The following ADAM17 variants were observed in gnomAD, a reference collection of about 807,000 sequenced individuals.
The protein encoded by ADAM17 is ADAM metallopeptidase domain 17.
Under a neutral mutation model 96.7 loss-of-function variants are expected in ADAM17, and 39 were observed. The observed-to-expected ratio is 0.40, with a 90% confidence interval of 0.31 to 0.53. The LOEUF (loss-of-function observed/expected upper bound fraction) is 0.53, where lower values mean the gene tolerates loss of function less well. Ranked by LOEUF, ADAM17 falls within the 20% of genes least tolerant of loss-of-function variation. The pLI, the probability that ADAM17 is intolerant of heterozygous loss-of-function variation, is 0.44. For synonymous variants in ADAM17, 344 were observed against 359.2 expected (o/e 0.96, Z 0.48); for missense variants, 777 against 1,013.2 (o/e 0.77, Z 3.17).
intron 10 of ADAM17, among the ~76,000 whole-genome samples, chr2:9,510,825 T>C (rs1041403043): frequency 1.3e-5 from 2 of 152,058 alleles, no homozygotes; most frequent in African/African-American, 4.8e-5. Flanking sequence ...GAGTAAGACT[T>C]TGTCTCAAAA....
chr2:9,494,872 C>A (rs1662449011), intron 14 of ADAM17, 105 bp from the exon 15 acceptor site: 10 of 1,416,142 alleles, frequency 7.1e-6, no homozygotes, highest in Non-Finnish European at 8.6e-6. Flanking sequence ...TAAGAAATCA[C>A]ATTTATTTTT....
chr2:9,495,217 C>G (rs984817907), intron 14 of ADAM17, among the ~76,000 whole-genome samples: 45 of 152,326 alleles, frequency 3.0e-4, no homozygotes, highest in African/African-American at 1.0e-3. Context: ...GGGTGGGGAG[C>G]TCAGTGACCC....
chr2:9,540,648 A>C (rs1665171126), intron 2 of ADAM17, among the ~76,000 whole-genome samples: 1 of 152,220 alleles, frequency 6.6e-6, no homozygotes, highest in Admixed American at 6.5e-5. Flanking sequence ...AATTTGCCTA[A>C]AATAACCACA....
At chr2:9,531,475 G>A (rs911026195) in intron 4 of ADAM17, among the ~76,000 whole-genome samples, 4 of 151,342 alleles carry the variant, frequency 2.6e-5, no homozygotes, top group Admixed American at 1.3e-4. Flanking sequence ...GCCGACGCGG[G>A]TGGATCACCT....
chr2:9,490,565 C>A (rs757617504), intron 18 of ADAM17, 47 bp from the exon 19 acceptor site: 2 of 1,533,084 alleles, frequency 1.3e-6, no homozygotes, highest in South Asian at 2.5e-5. Context: ...AAAGATGAAT[C>A]GGAGGTCCTC....
At chr2:9,515,427 T>C (rs1391505582) in intron 10 of ADAM17, among the ~76,000 whole-genome samples, 1 of 152,130 alleles carries the variant, frequency 6.6e-6, no homozygotes, top group Admixed American at 6.6e-5. Flanking sequence ...TTATCAATTA[T>C]GAATTAAGCT....
chr2:9,497,245 T>C lies in ADAM17; in HGVS notation c.1652A>G (p.Asn551Ser), dbSNP rs1255970694. 6.2e-7 allele frequency: 1 copy of C among 1,614,096 alleles called. No homozygotes were observed. Among genetic ancestry groups the C allele is most frequent in the Non-Finnish European group, 8.5e-7 (1 of 1,179,958 alleles). The change falls in exon 14 of 19, where the codon AAT becomes AGT. Residue 551 changes from asparagine (N) to serine (S), a missense_variant. Asn to Ser is a conservative substitution (Grantham distance 46). Coordinates refer to ENST00000310823, the MANE Select transcript of ADAM17 (RefSeq NM_003183.6). ...TCCTGGAGGCGGGCACTCACTGCTATTACCTGGAAGCAAACACCAGTCATA... is the reference window on the plus strand; with the variant it reads ...TCCTGGAGGCGGGCACTCACTGCTACTACCTGGAAGCAAACACCAGTCATA... The part of the protein sequence containing the change: ...TCKGVSYCTG[N>S]SSECPPPGNA...
intron 4 of ADAM17, among the ~76,000 whole-genome samples, chr2:9,532,503 G>A (rs1398158401): frequency 6.6e-6 from 1 of 152,060 alleles, no homozygotes; most frequent in African/African-American, 2.4e-5. Context: ...ATAGGGTCTC[G>A]CTCTGTCACC....
intron 14 of ADAM17, among the ~76,000 whole-genome samples, chr2:9,496,159 C>T (rs759684670): frequency 6.6e-6 from 1 of 151,918 alleles, no homozygotes; most frequent in Non-Finnish European, 1.5e-5. Flanking sequence ...AATGGAGTCT[C>T]GCTCTGTTGC....
At chr2:9,493,631 G>A (rs903180818) in intron 16 of ADAM17, 116 bp downstream of exon 16, 1 of 825,430 alleles carries the variant, frequency 1.2e-6, no homozygotes, top group African/African-American at 1.7e-5. Flanking sequence ...CTAAAGCTGT[G>A]AATAGTTCCA....
rs61406877 is a variant in ADAM17, at chr2:9,532,752, T to C, written c.450+3082A>G. Among the ~76,000 whole-genome samples, 936 of 150,320 alleles carry C rather than the reference T, an allele frequency of 6.2e-3. 10 individuals carry two copies. The highest frequency in any genetic ancestry group is 0.02 in the African/African-American group (826 of 40,658). ...GTCCACCCGCCTCAGCCTCCCAAAG[T>C]GCTGATTACAAGTGTGAGCCACTGT... is the stretch of plus-strand genomic sequence containing the variant. On this transcript the variant is annotated intron_variant, in intron 4 of 18. Transcript: ENST00000310823.
chr2:9,491,163 C>A lies in ADAM17; in HGVS notation c.2083-12G>T. On this transcript the variant is annotated splice_polypyrimidine_tract_variant and intron_variant, in intron 17 of 18. Transcript: ENST00000310823. ...TCCAATTTCTTATCCTAGAAAGAAACAGCAAGAAGGTCATTCCCTACAAAT... is the reference window on the plus strand; with the variant it reads ...TCCAATTTCTTATCCTAGAAAGAAAAAGCAAGAAGGTCATTCCCTACAAAT... 1 of 1,610,934 alleles carries A rather than the reference C, an allele frequency of 6.2e-7. No homozygotes were observed. Among genetic ancestry groups the A allele is most frequent in the Non-Finnish European group, 8.5e-7 (1 of 1,177,448 alleles).
At chr2:9,531,404 A>C (rs1664732786) in intron 4 of ADAM17, among the ~76,000 whole-genome samples, 1 of 152,030 alleles carries the variant, frequency 6.6e-6, no homozygotes, top group South Asian at 2.1e-4. Context: ...CGTCTCTACT[A>C]AAAATACAAA....
At chr2:9,491,297 C>G in intron 17 of ADAM17, 146 bp from the exon 18 acceptor site, 2 of 650,780 alleles carry the variant, frequency 3.1e-6, no homozygotes, top group Non-Finnish European at 5.2e-6. Flanking sequence ...GATGACAATC[C>G]ATTTCTCACC....
intron 1 of ADAM17, among the ~76,000 whole-genome samples, chr2:9,545,781 T>C (rs6743768): frequency 6.8e-4 from 104 of 152,274 alleles, no homozygotes; most frequent in African/African-American, 2.5e-3. Flanking sequence ...CTATTTTAAA[T>C]GTCGTTCACA....
intron 2 of ADAM17, among the ~76,000 whole-genome samples, chr2:9,541,103 T>C (rs1206149867): frequency 6.6e-6 from 1 of 152,232 alleles, no homozygotes; most frequent in African/African-American, 2.4e-5. Context: ...GTTTGTTGTA[T>C]TAAAAAAATC....
intron 13 of ADAM17, among the ~76,000 whole-genome samples, chr2:9,499,971 G>T (rs1227242180): frequency 6.6e-6 from 1 of 152,188 alleles, no homozygotes; most frequent in Non-Finnish European, 1.5e-5. Context: ...ACTGTAAAAT[G>T]GTGTAGCCAT....
intron 1 of ADAM17, among the ~76,000 whole-genome samples, chr2:9,544,303 G>A (rs1665325359): frequency 6.6e-6 from 1 of 152,256 alleles, no homozygotes; most frequent in East Asian, 1.9e-4. Flanking sequence ...ACTTTGGGAG[G>A]CCAAGGATCA....
intron 4 of ADAM17, among the ~76,000 whole-genome samples, chr2:9,534,970 T>C (rs926762143): frequency 1.3e-5 from 2 of 152,240 alleles, no homozygotes; most frequent in African/African-American, 4.8e-5. Flanking sequence ...GCCAGACTCC[T>C]CAAAACATTG....
Sources: gnomAD v4.1 joint callset for allele counts (sites outside exome capture counted in the v4.1 genomes callset) on GRCh38, gnomAD v4.1.1 for gene constraint, MANE v1.5 for transcripts, NCBI Gene and HGNC (gene_info 2026-07-23, HGNC 2026-07-21) for gene names.